The following ANO10 variants were observed in gnomAD, a reference collection of about 807,000 sequenced individuals.
ANO10 encodes the protein anoctamin 10.
Under a neutral mutation model 74.7 loss-of-function variants are expected in ANO10, and 77 were observed. The observed-to-expected ratio is 1.03, with a 90% confidence interval of 0.86 to 1.25. The LOEUF is 1.25. ANO10 is among the 50% of genes most tolerant of loss of function. The pLI is 0.00. For synonymous variants in ANO10, 279 were observed against 284.9 expected, an observed-to-expected ratio of 0.98 and a Z score of 0.21; for missense variants, 721 against 778.1, an observed-to-expected ratio of 0.93 and a Z score of 0.87.
intron 1 of ANO10, among the ~76,000 whole-genome samples, chr3:43,683,684 A>G (rs1477447377): frequency 6.6e-6 from 1 of 152,228 alleles, no homozygotes; most frequent in East Asian, 1.9e-4. Flanking sequence ...AAACTATACT[A>G]CAAGGCTACA....
At chr3:43,367,681 G>C (rs1473196449) in intron 12 of ANO10, among the ~76,000 whole-genome samples, 1 of 152,120 alleles carries the variant, frequency 6.6e-6, no homozygotes, top group Non-Finnish European at 1.5e-5. Context: ...CAGCGGCGTA[G>C]GGGACAGTTC....
At chr3:43,689,028 AAG>A (rs2084314581) in intron 1 of ANO10, among the ~76,000 whole-genome samples, 1 of 152,182 alleles carries the variant, frequency 6.6e-6, no homozygotes, top group Non-Finnish European at 1.5e-5. Context: ...GAGCAGGAGC[AAG>A]AGAGTGAGGG....
At position 43,665,872 on chromosome 3, in the gene ANO10, C is replaced by T. The variant is rs564385002; in HGVS notation, c.-12+25645G>A. Reference sequence around the variant, plus strand: ...TGGTTGTATGAAATGTTCAATTTAACATTTCCCAACTTGGTGGTGTTTAAT... The same window carrying T: ...TGGTTGTATGAAATGTTCAATTTAATATTTCCCAACTTGGTGGTGTTTAAT... On this transcript the variant is annotated intron_variant, in intron 1 of 3. Transcript: ENST00000413397. 2.0e-5 allele frequency among the ~76,000 whole-genome samples: 3 copies of T among 152,302 alleles called. No individual in the cohort carries two copies. The South Asian group carries it at 6.2e-4, about 32-fold the overall frequency.
intron 12 of ANO10, among the ~76,000 whole-genome samples, chr3:43,367,471 A>G (rs991339764): frequency 2.6e-5 from 4 of 152,248 alleles, no homozygotes; most frequent in Middle Eastern, 3.4e-3. Context: ...GATGCCCCAA[A>G]TCATCAGATG....
intron 12 of ANO10, among the ~76,000 whole-genome samples, chr3:43,416,178 T>C (rs2092736047): frequency 6.6e-6 from 1 of 152,232 alleles, no homozygotes; most frequent in Non-Finnish European, 1.5e-5. Flanking sequence ...AAATTTAAAA[T>C]ATGCCTATCT....
chr3:43,531,691 C>T (rs1259664391), intron 11 of ANO10, among the ~76,000 whole-genome samples: 2 of 151,904 alleles, frequency 1.3e-5, no homozygotes, highest in East Asian at 1.9e-4. Flanking sequence ...GTCAGGAGTT[C>T]GAGACCAGCC....
chr3:43,425,373 A>T (rs528695427), intron 12 of ANO10, among the ~76,000 whole-genome samples: 2 of 152,050 alleles, frequency 1.3e-5, no homozygotes, highest in Non-Finnish European at 2.9e-5. Flanking sequence ...GGGGGGAAGA[A>T]GTTCAGAAGT....
intron 1 of ANO10, among the ~76,000 whole-genome samples, chr3:43,620,091 C>T (rs2083310581): frequency 6.6e-6 from 1 of 152,092 alleles, no homozygotes; most frequent in Non-Finnish European, 1.5e-5. Context: ...GTACAGCTCT[C>T]ATGCAAGCCA....
intron 5 of ANO10, among the ~76,000 whole-genome samples, chr3:43,578,296 C>T (rs1222042891): frequency 6.6e-6 from 1 of 152,114 alleles, no homozygotes. Context: ...ACACTTGGCT[C>T]CACAGCAGAT....
chr3:43,462,358 T>G (rs1022738828), intron 11 of ANO10, among the ~76,000 whole-genome samples: 1 of 152,110 alleles, frequency 6.6e-6, no homozygotes, highest in Non-Finnish European at 1.5e-5. Flanking sequence ...GCCTCCCAAG[T>G]TGCTGGGATT....
intron 12 of ANO10, among the ~76,000 whole-genome samples, chr3:43,386,671 G>T (rs2092129611): frequency 6.6e-6 from 1 of 151,554 alleles, no homozygotes; most frequent in Admixed American, 6.6e-5. Context: ...GTGTGTGTGT[G>T]TGTGTGTGTG....
chr3:43,540,277 G>A (rs531599596), intron 11 of ANO10, among the ~76,000 whole-genome samples: 1 of 152,264 alleles, frequency 6.6e-6, no homozygotes, highest in South Asian at 2.1e-4. Flanking sequence ...CTCTGAGTAG[G>A]ATCCAGTGAT....
At chr3:43,659,413 C>T (rs1175900618) in intron 1 of ANO10, among the ~76,000 whole-genome samples, 1 of 152,228 alleles carries the variant, frequency 6.6e-6, no homozygotes, top group African/African-American at 2.4e-5. Flanking sequence ...CCTCCCGTGC[C>T]TGGCTCGGTG....
At chr3:43,508,530 A>G (rs1249843875) in intron 11 of ANO10, among the ~76,000 whole-genome samples, 1 of 152,214 alleles carries the variant, frequency 6.6e-6, no homozygotes, top group East Asian at 1.9e-4. Flanking sequence ...AATAGCGAAG[A>G]CTTGGAACCA....
At position 43,511,260 on chromosome 3, in the gene ANO10, C is replaced by G. The variant is rs146455927; in HGVS notation, c.1797+38460G>C. Among the ~76,000 whole-genome samples the G allele has an allele frequency of 2.4e-3, 367 of 152,170 alleles. 1 individual carries two copies. The highest frequency in any genetic ancestry group is 8.6e-3 in the African/African-American group (357 of 41,536). ...TTGTTTTAGCTTTTTTATTGCTGCT[C>G]TAGTAACACAAATTAGATTTTTTTA... On this transcript the variant is annotated intron_variant, in intron 11 of 12. Transcript: ENST00000292246.
At chr3:43,437,642 G>A (rs910570750) in intron 11 of ANO10, among the ~76,000 whole-genome samples, 2 of 152,126 alleles carry the variant, frequency 1.3e-5, no homozygotes, top group African/African-American at 4.8e-5. Context: ...GAGGCAGAAA[G>A]AAATTACAAT....
At chr3:43,481,836 C>T (rs1028910900) in intron 11 of ANO10, among the ~76,000 whole-genome samples, 3 of 152,094 alleles carry the variant, frequency 2.0e-5, no homozygotes, top group African/African-American at 7.2e-5. Context: ...ACTAAAATGA[C>T]AGTCCACAGT....
chr3:43,682,757 G>C (rs1388709466), intron 1 of ANO10, among the ~76,000 whole-genome samples: 1 of 152,182 alleles, frequency 6.6e-6, no homozygotes, highest in African/African-American at 2.4e-5. Context: ...TCATCCCTGG[G>C]ATGGAAGGCT....
At chr3:43,539,906 T>C (rs952750431) in intron 11 of ANO10, among the ~76,000 whole-genome samples, 1 of 152,184 alleles carries the variant, frequency 6.6e-6, no homozygotes, top group African/African-American at 2.4e-5. Context: ...TAAACTTTCT[T>C]AGGCAAGAAA....
Sources: gnomAD v4.1 joint callset for allele counts (sites outside exome capture counted in the v4.1 genomes callset) on GRCh38, gnomAD v4.1.1 for gene constraint, MANE v1.5 for transcripts, NCBI Gene and HGNC (gene_info 2026-07-23, HGNC 2026-07-21) for gene names.